Variants in LYN observed in about 807,000 individuals in gnomAD.
The protein encoded by LYN is tyrosine-protein kinase Lyn.
A neutral mutation model predicts 65.0 loss-of-function variants in LYN; 12 were observed. That is an observed-to-expected ratio of 0.18 (90% CI 0.12 to 0.30). LYN has a LOEUF of 0.30. LYN is among the 10% of genes least tolerant of loss of function. The probability of loss-of-function intolerance (pLI) is 1.00; values close to 1 mark genes in which losing one functional copy is unlikely to be tolerated. For missense variants in LYN, 380 were observed against 623.2 expected (o/e 0.61, Z 4.16); for synonymous variants, 222 against 221.2 (o/e 1.00, Z -0.03).
intron 10 of LYN, among the ~76,000 whole-genome samples, chr8:55,971,630 G>C (rs986664710): frequency 1.3e-5 from 2 of 152,162 alleles, no homozygotes; most frequent in African/African-American, 2.4e-5. Flanking sequence ...ACACACATTG[G>C]GTATGTACTG....
intron 1 of LYN, among the ~76,000 whole-genome samples, chr8:55,926,443 T>C (rs1806112314): frequency 2.0e-5 from 3 of 152,258 alleles, no homozygotes; most frequent in Non-Finnish European, 4.4e-5. Context: ...TAAGCCTAAT[T>C]TAACTGTGCA....
intron 10 of LYN, among the ~76,000 whole-genome samples, chr8:55,998,040 C>T (rs927007302): frequency 6.6e-6 from 1 of 151,656 alleles, no homozygotes; most frequent in Non-Finnish European, 1.5e-5. Context: ...GCCAAGATAG[C>T]GCCACTGCAC....
At chr8:55,913,951 G>A (rs1400027153) in intron 1 of LYN, among the ~76,000 whole-genome samples, 2 of 152,172 alleles carry the variant, frequency 1.3e-5, no homozygotes, top group Non-Finnish European at 2.9e-5. Context: ...CAGGAAGACA[G>A]GTTATTGTGG....
At chr8:55,930,625 C>T (rs1045793494) in intron 1 of LYN, among the ~76,000 whole-genome samples, 1 of 152,216 alleles carries the variant, frequency 6.6e-6, no homozygotes, top group South Asian at 2.1e-4. Flanking sequence ...CCAAAAAACC[C>T]CACTTGTTTC....
intron 1 of LYN, among the ~76,000 whole-genome samples, chr8:55,908,097 A>G (rs1805481018): frequency 6.6e-6 from 1 of 152,184 alleles, no homozygotes; most frequent in Non-Finnish European, 1.5e-5. Context: ...TTGAGGTCAC[A>G]CTGCTCGTTA....
rs191487293 is a variant in LYN, at chr8:55,991,296, G to A, written c.1051-7050G>A. ...AGTCCTGCCCCTTTGGGGTCAGAAC[G>A]TTGGGTAAGACCTTACTTCTCTCTT... On this transcript the variant is annotated intron_variant, in intron 10 of 12. Coordinates refer to ENST00000519728, the MANE Select transcript of LYN (RefSeq NM_002350.4). 2.8e-4 allele frequency among the ~76,000 whole-genome samples: 43 copies of A among 152,350 alleles called. 1 individual carries two copies. Among genetic ancestry groups the A allele is most frequent in the African/African-American group, 8.9e-4 (37 of 41,590 alleles).
intron 10 of LYN, among the ~76,000 whole-genome samples, chr8:55,997,810 C>T (rs1303697385): frequency 1.3e-5 from 2 of 152,146 alleles, no homozygotes; most frequent in African/African-American, 2.4e-5. Flanking sequence ...CATGGCCAGG[C>T]GCGGTGGCTC....
chr8:55,906,734 A>AG (rs1563503617), intron 1 of LYN, among the ~76,000 whole-genome samples: 3 of 123,840 alleles, frequency 2.4e-5, no homozygotes, highest in East Asian at 1.9e-4. Context: ...AGAAAAAAAA[A>AG]AGAGAGAGAG....
At chr8:55,993,646 T>C (rs148887503) in intron 10 of LYN, among the ~76,000 whole-genome samples, 112 of 152,364 alleles carry the variant, frequency 7.4e-4, no homozygotes, top group African/African-American at 2.7e-3. Context: ...GTCAATTTGC[T>C]ATTAAGATGA....
At chr8:55,897,462 C>T (rs1357412845) in intron 1 of LYN, among the ~76,000 whole-genome samples, 1 of 152,146 alleles carries the variant, frequency 6.6e-6, no homozygotes, top group East Asian at 1.9e-4. Context: ...AGAAGATCTC[C>T]AGAGTCTAGT....
chr8:55,966,931 GC>G, intron 9 of LYN, 34 bp downstream of exon 9: 1 of 1,586,686 alleles, frequency 6.3e-7, no homozygotes, highest in Non-Finnish European at 8.6e-7. Flanking sequence ...GCTTGCAAGG[GC>G]TTCAAACTCA....
chr8:55,915,265 C>T (rs1237538393), intron 1 of LYN, among the ~76,000 whole-genome samples: 1 of 152,174 alleles, frequency 6.6e-6, no homozygotes, highest in Admixed American at 6.5e-5. Flanking sequence ...TGAACATACA[C>T]ACCGCAATTC....
Position 55,950,441 on chromosome 8 carries a change from T to G in LYN, c.285-18T>G. On this transcript the variant is annotated intron_variant, in intron 4 of 12. Transcript: ENST00000519728. Reference sequence around the variant, plus strand: ...ATGTAATCTTTTAGCTTCTTTTTGATGTGTATTTCTATTCTAGGCATGGAG... The same window carrying G: ...ATGTAATCTTTTAGCTTCTTTTTGAGGTGTATTTCTATTCTAGGCATGGAG... The G allele has an allele frequency of 6.5e-7, 1 of 1,543,674 alleles. No homozygotes were observed.
At chr8:55,939,667 C>G (rs1395470163) in intron 1 of LYN, among the ~76,000 whole-genome samples, 4 of 152,154 alleles carry the variant, frequency 2.6e-5, no homozygotes, top group African/African-American at 4.8e-5. Context: ...GCTCCTGCCC[C>G]GGAGCTCGCG....
At chr8:55,925,306 T>G (rs1806075367) in intron 1 of LYN, among the ~76,000 whole-genome samples, 1 of 151,728 alleles carries the variant, frequency 6.6e-6, no homozygotes, top group South Asian at 2.1e-4. Context: ...AATTTTCTTT[T>G]GTAGAGACGA....
At chr8:55,999,151 C>G (rs986124726) in intron 11 of LYN, among the ~76,000 whole-genome samples, 4 of 152,272 alleles carry the variant, frequency 2.6e-5, no homozygotes, top group African/African-American at 9.6e-5. Context: ...AATATTTTTG[C>G]AGTGCTCACT....
At chr8:55,909,046 CA>C (rs55781514) in intron 1 of LYN, among the ~76,000 whole-genome samples, 2,856 of 69,332 alleles carry the variant, frequency 0.041, 324 homozygotes, top group East Asian at 0.086. Context: ...CACACACACA[CA>C]CACACCCCAC....
intron 1 of LYN, among the ~76,000 whole-genome samples, chr8:55,930,918 T>C (rs1806249452): frequency 6.6e-6 from 1 of 152,026 alleles, no homozygotes; most frequent in Non-Finnish European, 1.5e-5. Flanking sequence ...TCCAGTGCAC[T>C]GGGATTAGAG....
intron 10 of LYN, among the ~76,000 whole-genome samples, chr8:55,982,485 G>A (rs958595721): frequency 6.6e-6 from 1 of 152,118 alleles, no homozygotes; most frequent in African/African-American, 2.4e-5. Context: ...GCATTACAAG[G>A]AGCTGTACGG....
Sources: allele counts gnomAD v4.1 joint callset (sites outside exome capture counted in the v4.1 genomes callset), GRCh38; gene constraint gnomAD v4.1.1; transcripts MANE v1.5; gene names NCBI Gene and HGNC (gene_info 2026-07-23, HGNC 2026-07-21).